The following SLC6A9 variants were observed in gnomAD, a reference collection of about 807,000 sequenced individuals.
The protein encoded by SLC6A9 is sodium- and chloride-dependent glycine transporter 1.
In SLC6A9, 31 loss-of-function variants were observed where a neutral mutation model predicts 70.9. The ratio of observed to expected loss-of-function variants is 0.44; its 90% CI spans 0.33 to 0.59. The LOEUF (loss-of-function observed/expected upper bound fraction) is 0.59. SLC6A9 is among the 20% of genes least tolerant of loss of function. The pLI is 0.04. For missense variants in SLC6A9, 631 were observed against 845.2 expected, an observed-to-expected ratio of 0.75 and a Z score of 3.14; for synonymous variants, 310 against 341.3, an observed-to-expected ratio of 0.91 and a Z score of 1.01.
rs547430826 is a variant in SLC6A9 at position 44,006,276 on chromosome 1, A to T, written c.590+2077T>A. Reference sequence around the variant, plus strand: ...GCCCTCTCTCCCCTCTGAGAACAGTACCTGGTACCTAGTAGGTGCTCAAGA... The same window carrying T: ...GCCCTCTCTCCCCTCTGAGAACAGTTCCTGGTACCTAGTAGGTGCTCAAGA... On this transcript the variant is annotated intron_variant, in intron 5 of 13. Coordinates refer to ENST00000372310, the MANE Select transcript of SLC6A9 (RefSeq NM_001024845.3). Among the ~76,000 whole-genome samples the T allele has an allele frequency of 2.6e-5, 4 of 152,140 alleles. No homozygotes were observed. In the South Asian group the frequency reaches 8.3e-4, roughly 32 times the overall value.
At chr1:44,003,794 C>T (rs997823067) in intron 5 of SLC6A9, among the ~76,000 whole-genome samples, 1 of 151,668 alleles carries the variant, frequency 6.6e-6, no homozygotes, top group African/African-American at 2.4e-5. Context: ...AATTTCTCCC[C>T]TCTGGGTGGC....
chr1:43,997,460 A>G lies in SLC6A9; in HGVS notation c.*85T>C. 8.1e-7 allele frequency: 1 copy of G among 1,235,020 alleles called. No individual in the cohort carries two copies. Among genetic ancestry groups the G allele is most frequent in the Non-Finnish European group, 1.2e-6 (1 of 854,080 alleles). 76.5% of individuals were successfully genotyped at this position (1,235,020 alleles called of 1,614,324 possible). A position where few individuals can be genotyped will look rare whatever the true frequency, so the allele number is the denominator to read the frequency against. On this transcript the variant is annotated 3_prime_UTR_variant, in exon 14 of 14. Coordinates refer to ENST00000372310, the MANE Select transcript of SLC6A9 (RefSeq NM_001024845.3). This position sits in a 1 kb window ranked among gnomAD's most constrained non-coding sequence, Gnocchi z 4.4. ...TCCTGGCCAGGGCGTGGCAGGGGGC[A>G]GGCAGAGACACCTGGCCTCTGCCTC...
rs572955898 is a variant in SLC6A9, at chr1:44,002,212, G to A, written c.962+101C>T. On this transcript the variant is annotated intron_variant, in intron 8 of 13. Transcript: ENST00000372310. The surrounding 1 kb of genome is among the most constrained non-coding windows in gnomAD (Gnocchi z 5.5). ...TATTCCCAGAACCTCAAGATCATGA[G>A]GGGAAAGGAGGCCTCGTGGGCCCAT... 1 of 788,480 alleles carries A rather than the reference G, an allele frequency of 1.3e-6. No individual in the cohort carries two copies. The highest frequency in any genetic ancestry group is 2.3e-6 in the Non-Finnish European group (1 of 444,208). The allele number at this position is 788,480 out of a possible 1,614,324, so 48.8% of individuals were successfully genotyped here.
rs74070404 is a variant in SLC6A9 at position 44,019,596 on chromosome 1, C to T, written c.30+4652G>A. On this transcript the variant is annotated intron_variant, in intron 2 of 13. Transcript: ENST00000372310. ...GGGCTCTGGCTGCCCTGGCCTGGGC[C>T]GGGTGCCCAGAACAGGCAGCCATGG... 9.9e-3 allele frequency among the ~76,000 whole-genome samples: 1,506 copies of T among 152,360 alleles called. 28 individuals are homozygous for T. The highest frequency in any genetic ancestry group is 0.035 in the African/African-American group (1,443 of 41,586).
rs1047822095 is a variant in SLC6A9, at chr1:44,024,408, C to T, written c.-85-46G>A. The T allele has an allele frequency of 2.6e-6, 3 of 1,169,738 alleles. No homozygotes were observed. In the African/African-American group the frequency reaches 4.5e-5, roughly 18 times the overall value. 72.5% of individuals were successfully genotyped at this position (1,169,738 alleles called of 1,614,324 possible). A position where few individuals can be genotyped will look rare whatever the true frequency, so the allele number is the denominator to read the frequency against. On this transcript the variant is annotated intron_variant, in intron 1 of 13. Coordinates refer to ENST00000372310, the MANE Select transcript of SLC6A9 (RefSeq NM_001024845.3). The stretch of plus-strand genomic sequence containing the variant: ...GAGGTGAGGACTTGGCCGTGTGGCC[C>T]ACAGGGCTCTCCAGACAGGTAGTGC...
Position 44,002,459 on chromosome 1 carries a change from A to G in SLC6A9, c.859-43T>C. 6.2e-7 allele frequency: 1 copy of G among 1,612,660 alleles called. No individual in the cohort carries two copies. The highest frequency in any genetic ancestry group is 8.5e-7 in the Non-Finnish European group (1 of 1,178,726). On this transcript the variant is annotated intron_variant, in intron 7 of 13. Transcript: ENST00000372310. The surrounding 1 kb of genome is among the most constrained non-coding windows in gnomAD (Gnocchi z 5.5). Reference sequence around the variant, plus strand: ...TGGGTGAGGAGCTGTGGGCAGAGGCAGGCACCTCCCTGGCCCCTCCCCAGC... The same window carrying G: ...TGGGTGAGGAGCTGTGGGCAGAGGCGGGCACCTCCCTGGCCCCTCCCCAGC...
intron 2 of SLC6A9, among the ~76,000 whole-genome samples, chr1:44,016,212 G>A (rs139132355): frequency 8.8e-4 from 134 of 152,294 alleles, no homozygotes; most frequent in Middle Eastern, 6.8e-3. Flanking sequence ...TGGAGGCAAT[G>A]GTCATGTCCT....
chr1:44,001,085 G>A (rs1485466682), intron 10 of SLC6A9, 30 bp from the exon 11 acceptor site: 10 of 1,602,340 alleles, frequency 6.2e-6, no homozygotes, highest in East Asian at 2.2e-5. Flanking sequence ...TGTGGGAGGC[G>A]CCTGCAGCCC....
intron 2 of SLC6A9, among the ~76,000 whole-genome samples, chr1:44,015,098 T>C (rs2086695756): frequency 2.0e-5 from 3 of 152,330 alleles, no homozygotes; most frequent in East Asian, 1.9e-4. Flanking sequence ...CCCTTTTTTT[T>C]CCTGATTATA....
chr1:44,008,569 A>T lies in SLC6A9; in HGVS notation c.374T>A (p.Val125Glu), dbSNP rs917670098. The T allele has an allele frequency of 6.2e-7, 1 of 1,613,936 alleles. No homozygotes were observed. Among genetic ancestry groups the T allele is most frequent in the African/African-American group, 1.3e-5 (1 of 74,908 alleles). Reference protein sequence around the residue: ...VSTYIGIYYNVVICIAFYYFF... With the variant: ...VSTYIGIYYNEVICIAFYYFF... ...GTAGTAGAAGGCGATGCAGATGACC[A>T]CATTGTAGTAGATGCCGATGTAGGT... Residue 125 changes from valine to glutamate, a missense_variant, in exon 5 of 14, where the codon GTG becomes GAG. Val to Glu is a moderately radical substitution (Grantham distance 121, BLOSUM62 -2). Transcript: ENST00000372310.
intron 2 of SLC6A9, chr1:44,011,458 G>C (rs1385827576): frequency 3.1e-6 from 3 of 956,274 alleles, no homozygotes; most frequent in Non-Finnish European, 4.9e-6. Flanking sequence ...GGGAGCAGCT[G>C]AGCCGGGACA....
chr1:44,002,716 T>C lies in SLC6A9; in HGVS notation c.724-70A>G. On this transcript the variant is annotated intron_variant, in intron 6 of 13. Coordinates refer to ENST00000372310, the MANE Select transcript of SLC6A9 (RefSeq NM_001024845.3). This position sits in a 1 kb window ranked among gnomAD's most constrained non-coding sequence, Gnocchi z 5.5. ...CCTGGGCACCACCACCCTGGCTCCC[T>C]AATCACCACCAGCCCCCTGGTCCCT... The C allele has an allele frequency of 1.2e-6, 2 of 1,601,036 alleles. No homozygotes were observed. Among genetic ancestry groups the C allele is most frequent in the Non-Finnish European group, 1.7e-6 (2 of 1,169,292 alleles).
At chr1:44,025,583 T>A (rs577506983) in intron 1 of SLC6A9, among the ~76,000 whole-genome samples, 1 of 151,950 alleles carries the variant, frequency 6.6e-6, no homozygotes, top group Admixed American at 6.5e-5. Context: ...GTGGATTACC[T>A]GAGCTCAGGA....
In SLC6A9 at chr1:44,019,434, C is replaced by T. The variant is rs1039058442; in HGVS notation, c.30+4814G>A. 4.6e-5 allele frequency among the ~76,000 whole-genome samples: 7 copies of T among 152,258 alleles called. No homozygotes were observed. The South Asian group carries it at 6.2e-4, about 13-fold the overall frequency. On this transcript the variant is annotated intron_variant, in intron 2 of 13. Coordinates refer to ENST00000372310, the MANE Select transcript of SLC6A9 (RefSeq NM_001024845.3). ...AGCTGCTCACTGAGCCAGCCTCATG[C>T]GCCTGGTCCCCAGACACACTCCCCT...
rs79746139 is a variant in SLC6A9, at chr1:44,018,032, C to T, written c.30+6216G>A. Among the ~76,000 whole-genome samples, 6,985 of 152,288 alleles carry T rather than the reference C, an allele frequency of 0.046. 228 individuals are homozygous for T. The highest frequency in any genetic ancestry group is 0.066 in the South Asian group (317 of 4,834). ...GTCCCTTTCTCTGAGGCCACACACA[C>T]TGGCCAGTCTCCTGCTGACCCCAAG... On this transcript the variant is annotated intron_variant, in intron 2 of 13. Coordinates refer to ENST00000372310, the MANE Select transcript of SLC6A9 (RefSeq NM_001024845.3). This position sits in a 1 kb window ranked among gnomAD's most constrained non-coding sequence, Gnocchi z 4.2.
intron 2 of SLC6A9, chr1:44,017,203 G>T: frequency 6.4e-7 from 1 of 1,559,484 alleles, no homozygotes; most frequent in Non-Finnish European, 8.7e-7. Context: ...GCTGGGCAGC[G>T]TCAATTACTT....
intron 3 of SLC6A9, 193 bp downstream of exon 3, chr1:44,010,530 CCAA>C: frequency 6.9e-6 from 4 of 576,834 alleles, no homozygotes; most frequent in Non-Finnish European, 9.2e-6. Context: ...GGGCCAGCCC[CCAA>C]CAACAGACTG....
In SLC6A9 at chr1:43,997,808, T is replaced by G. The variant is rs371195490; in HGVS notation, c.1707+47A>C. ...AGGGAGCCCTTAAGCCCCTTCCAGC[T>G]GGCCCCTCCCATTTTGCCTGGCTAC... On this transcript the variant is annotated intron_variant, in intron 13 of 13. Transcript: ENST00000372310. The surrounding 1 kb of genome is among the most constrained non-coding windows in gnomAD (Gnocchi z 4.4). 3.0e-5 allele frequency: 48 copies of G among 1,588,774 alleles called. No homozygotes were observed. Among genetic ancestry groups the G allele is most frequent in the Non-Finnish European group, 3.9e-5 (45 of 1,164,836 alleles).
chr1:44,014,758 G>A (rs1255926927), intron 2 of SLC6A9: 2 of 152,148 alleles, frequency 1.3e-5, no homozygotes, highest in Admixed American at 1.3e-4. Flanking sequence ...CACCGGTGCA[G>A]GTGAGAGCCC....
Sources: gnomAD v4.1 joint callset for allele counts (sites outside exome capture counted in the v4.1 genomes callset) on GRCh38, gnomAD v4.1.1 for gene constraint, Gnocchi (gnomAD v3.1) non-coding constraint, MANE v1.5 for transcripts, NCBI Gene and HGNC (gene_info 2026-07-23, HGNC 2026-07-21) for gene names.